Variants in DPP10 observed in about 807,000 individuals in gnomAD.
DPP10 encodes dipeptidyl peptidase like 10.
Under a neutral mutation model 120.9 loss-of-function variants are expected in DPP10, and 33 were observed. That is an observed-to-expected ratio of 0.27 (90% confidence interval 0.21 to 0.37). The LOEUF (loss-of-function observed/expected upper bound fraction) is 0.37, where lower values mean the gene tolerates loss of function less well. DPP10 is among the 10% of genes least tolerant of loss of function. The pLI, the probability that DPP10 is intolerant of heterozygous loss-of-function variation, is 1.00. For synonymous variants in DPP10, 337 were observed against 326.1 expected (o/e 1.03, Z -0.36); for missense variants, 816 against 942.8 (o/e 0.87, Z 1.76).
At chr2:115,205,352 T>A (rs1029404008) in intron 1 of DPP10, among the ~76,000 whole-genome samples, 1 of 152,156 alleles carries the variant, frequency 6.6e-6, no homozygotes, top group African/African-American at 2.4e-5. Context: ...GAAGGGAATT[T>A]TTTCTTTATT....
intron 1 of DPP10, among the ~76,000 whole-genome samples, chr2:114,900,379 G>A (rs914028300): frequency 4.6e-5 from 7 of 152,088 alleles, no homozygotes; most frequent in African/African-American, 9.7e-5. Flanking sequence ...TAAACCAGTG[G>A]CTCCCCTTCC....
At chr2:115,747,904 G>T (rs1678200973) in intron 10 of DPP10, among the ~76,000 whole-genome samples, 1 of 152,030 alleles carries the variant, frequency 6.6e-6, no homozygotes, top group African/African-American at 2.4e-5. Flanking sequence ...CGCTTGTCTT[G>T]AAATAAAATT....
At chr2:114,836,505 C>T (rs1045604317) in intron 1 of DPP10, among the ~76,000 whole-genome samples, 15 of 152,088 alleles carry the variant, frequency 9.9e-5, no homozygotes, top group African/African-American at 2.9e-4. Flanking sequence ...GTACGAATAG[C>T]GTGTGGGTCA....
At chr2:114,481,258 A>G (rs1681019144) in intron 1 of DPP10, among the ~76,000 whole-genome samples, 1 of 152,132 alleles carries the variant, frequency 6.6e-6, no homozygotes, top group Admixed American at 6.6e-5. Flanking sequence ...TGAACAGAAG[A>G]CATAAAGAAA....
intron 1 of DPP10, among the ~76,000 whole-genome samples, chr2:114,471,845 A>G (rs1300300995): frequency 6.6e-6 from 1 of 152,206 alleles, no homozygotes; most frequent in Non-Finnish European, 1.5e-5. Context: ...AGCACTAGAA[A>G]CATAATGATC....
At chr2:114,566,297 A>G (rs1483635053) in intron 1 of DPP10, among the ~76,000 whole-genome samples, 1 of 152,232 alleles carries the variant, frequency 6.6e-6, no homozygotes, top group Non-Finnish European at 1.5e-5. Flanking sequence ...TTTACTACAC[A>G]GTGAAAAACA....
intron 1 of DPP10, among the ~76,000 whole-genome samples, chr2:115,251,808 G>C (rs945428113): frequency 1.3e-5 from 2 of 152,134 alleles, no homozygotes; most frequent in African/African-American, 4.8e-5. Context: ...TGGTTACAAT[G>C]TGATAGAAAA....
At chr2:114,644,888 A>G (rs1573871555) in intron 1 of DPP10, among the ~76,000 whole-genome samples, 2 of 151,906 alleles carry the variant, frequency 1.3e-5, no homozygotes, top group Admixed American at 1.3e-4. Context: ...ATACTGGACC[A>G]TTTTAGTTGC....
At chr2:115,830,430 A>G (rs1362286873) in intron 21 of DPP10, among the ~76,000 whole-genome samples, 2 of 151,004 alleles carry the variant, frequency 1.3e-5, no homozygotes, top group African/African-American at 4.9e-5. Flanking sequence ...ATTTTTTTTT[A>G]GAACAGATAT....
At chr2:114,661,897 T>C (rs1314611003) in intron 1 of DPP10, among the ~76,000 whole-genome samples, 2 of 151,944 alleles carry the variant, frequency 1.3e-5, no homozygotes, top group Non-Finnish European at 2.9e-5. Flanking sequence ...AGATTTCTGA[T>C]ACACAATGAG....
intron 1 of DPP10, among the ~76,000 whole-genome samples, chr2:114,511,236 C>CT (rs1684123098): frequency 6.6e-6 from 1 of 152,154 alleles, no homozygotes; most frequent in Non-Finnish European, 1.5e-5. Context: ...TAGTTGATAG[C>CT]TTTTTATATT....
chr2:115,830,788 G>T (rs1688839780), intron 21 of DPP10, among the ~76,000 whole-genome samples: 1 of 152,150 alleles, frequency 6.6e-6, no homozygotes, highest in Non-Finnish European at 1.5e-5. Flanking sequence ...AGAAGGCAAT[G>T]TAAGGAGATA....
rs1324790857 is a variant in DPP10 at position 115,840,953 on chromosome 2, T to C, written c.2256+130T>C. The C allele has an allele frequency of 4.3e-6, 3 of 695,664 alleles. No homozygotes were observed. In the African/African-American group the frequency reaches 5.5e-5, roughly 13 times the overall value. 43.1% of individuals were successfully genotyped at this position (695,664 alleles called of 1,614,324 possible). ...TAATATGTTTTTTAGTTACCAAAGA[T>C]TGTGTTCTCTGTTCCTGATTACACC... On this transcript the variant is annotated intron_variant, in intron 25 of 25. Coordinates refer to ENST00000410059, the MANE Select transcript of DPP10 (RefSeq NM_020868.6).
At chr2:115,612,819 T>C (rs1167172576) in intron 5 of DPP10, among the ~76,000 whole-genome samples, 4 of 152,094 alleles carry the variant, frequency 2.6e-5, no homozygotes, top group Non-Finnish European at 5.9e-5. Context: ...GAGAGTGGTA[T>C]ATTTAGCTCC....
intron 10 of DPP10, among the ~76,000 whole-genome samples, chr2:115,752,219 G>A (rs767194137): frequency 6.6e-6 from 1 of 152,188 alleles, no homozygotes; most frequent in Non-Finnish European, 1.5e-5. Flanking sequence ...CTGTAGACTG[G>A]ATGGCTATTT....
At chr2:115,534,236 A>G (rs1432878698) in intron 5 of DPP10, among the ~76,000 whole-genome samples, 1 of 151,972 alleles carries the variant, frequency 6.6e-6, no homozygotes, top group Non-Finnish European at 1.5e-5. Context: ...CATTAGGTAT[A>G]TCTCCCAATG....
intron 1 of DPP10, among the ~76,000 whole-genome samples, chr2:115,176,518 A>G (rs2053702701): frequency 6.6e-6 from 1 of 151,986 alleles, no homozygotes; most frequent in Admixed American, 6.6e-5. Flanking sequence ...TTGTCTTTTG[A>G]TCACATACAG....
chr2:115,293,873 G>T (rs181600958), intron 1 of DPP10, among the ~76,000 whole-genome samples: 31 of 152,110 alleles, frequency 2.0e-4, no homozygotes, highest in African/African-American at 7.2e-4. Flanking sequence ...AACAAACTAA[G>T]GCTATAAAGA....
chr2:115,224,661 AT>A (rs2057345972), intron 1 of DPP10, among the ~76,000 whole-genome samples: 1 of 152,210 alleles, frequency 6.6e-6, no homozygotes, highest in Admixed American at 6.5e-5. Context: ...ACTAACAGTA[AT>A]TTTTAAGTGT....
Sources: allele counts gnomAD v4.1 joint callset (sites outside exome capture counted in the v4.1 genomes callset), GRCh38; gene constraint gnomAD v4.1.1; transcripts MANE v1.5; gene names NCBI Gene and HGNC (gene_info 2026-07-23, HGNC 2026-07-21).